Variants in ANKDD1A observed in about 807,000 individuals in gnomAD.
ANKDD1A encodes ankyrin repeat and death domain-containing protein 1A.
A neutral mutation model predicts 63.5 loss-of-function variants in ANKDD1A; 59 were observed. The observed-to-expected ratio is 0.93, with a 90% CI of 0.75 to 1.15. ANKDD1A has a LOEUF of 1.15. Among genes scored for constraint, ANKDD1A ranks in the 50% most tolerant of loss-of-function variants. The pLI is 0.00. For synonymous variants in ANKDD1A, 266 were observed against 263.9 expected, an observed-to-expected ratio of 1.01 and a Z score of -0.08; for missense variants, 632 against 656.4, an observed-to-expected ratio of 0.96 and a Z score of 0.41.
rs375456155 is a variant in ANKDD1A, at chr15:64,927,691, G to A, written c.570+692G>A. On this transcript the variant is annotated intron_variant, in intron 6 of 14. Coordinates refer to ENST00000319580, the MANE Select transcript of ANKDD1A (RefSeq NM_182703.6). ...GCTGTCTTGGCTCACTGCAAGCTCC[G>A]CCTCCCGGGTTCACACCATTCTCCT... 7.2e-4 allele frequency among the ~76,000 whole-genome samples: 103 copies of A among 143,826 alleles called. 1 individual carries two copies. The highest frequency in any genetic ancestry group is 2.5e-3 in the African/African-American group (96 of 38,400). The allele number at this position is 143,826 out of a possible 152,430, so 94.4% of individuals were successfully genotyped here.
At chr15:64,932,784 G>A (rs2085101336) in intron 8 of ANKDD1A, 1 of 152,044 alleles carries the variant, frequency 6.6e-6, no homozygotes, top group South Asian at 2.1e-4. Flanking sequence ...TAATTTGACT[G>A]GCTTTGAAAA....
chr15:64,927,924 T>A (rs956416354), intron 6 of ANKDD1A, among the ~76,000 whole-genome samples: 1 of 152,196 alleles, frequency 6.6e-6, no homozygotes, highest in African/African-American at 2.4e-5. Context: ...AAATTCTAAA[T>A]GATGCCTCCA....
chr15:64,915,915 T>G lies in ANKDD1A; in HGVS notation c.138+15T>G, dbSNP rs2084965215. ...CCAGAAACCACGTGCGTAATGAGCT[T>G]CTCTGAATCCAGGCACCTGGGATAG... On this transcript the variant is annotated intron_variant, in intron 2 of 14. Transcript: ENST00000319580. 1 of 1,610,700 alleles carries G rather than the reference T, an allele frequency of 6.2e-7. No individual in the cohort carries two copies. The highest frequency in any genetic ancestry group is 1.3e-5 in the African/African-American group (1 of 74,978).
At chr15:64,912,164 C>T (rs1437683860) in intron 1 of ANKDD1A, among the ~76,000 whole-genome samples, 200 bp downstream of exon 1, 1 of 152,094 alleles carries the variant, frequency 6.6e-6, no homozygotes. Flanking sequence ...GACTCGGGGA[C>T]CACACCCGCC....
rs28695630 is a variant in ANKDD1A at position 64,954,892 on chromosome 15, T to C, written c.1484-2211T>C. ...TTTTCTTCTTCCTTCTCCTCCTCCT[T>C]CTTCCTTCTTCTCTTGTCTCTTCTC... On this transcript the variant is annotated intron_variant, in intron 14 of 14. Coordinates refer to ENST00000319580, the MANE Select transcript of ANKDD1A (RefSeq NM_182703.6). Among the ~76,000 whole-genome samples, 1,122 of 126,430 alleles carry C rather than the reference T, an allele frequency of 8.9e-3. 21 individuals are homozygous for C. Among genetic ancestry groups the C allele is most frequent in the African/African-American group, 0.028 (985 of 35,610 alleles). The allele number at this position is 126,430 out of a possible 152,430, so 82.9% of individuals were successfully genotyped here. A position where few individuals can be genotyped will look rare whatever the true frequency, so the allele number is the denominator to read the frequency against.
At chr15:64,912,479 C>G (rs1595844270) in intron 1 of ANKDD1A, among the ~76,000 whole-genome samples, 2 of 152,220 alleles carry the variant, frequency 1.3e-5, no homozygotes, top group African/African-American at 2.4e-5. Flanking sequence ...TCAGATGGGG[C>G]ACGCACTCAG....
Position 64,953,728 on chromosome 15 carries a change from T to C in ANKDD1A, c.1484-3375T>C, listed in dbSNP as rs1233816117. Among the ~76,000 whole-genome samples the C allele has an allele frequency of 3.8e-4, 9 of 23,454 alleles. No homozygotes were observed. In the East Asian group the frequency reaches 0.029, roughly 75 times the overall value. The allele number at this position is 23,454 out of a possible 152,430, so 15.4% of individuals were successfully genotyped here. On this transcript the variant is annotated intron_variant, in intron 14 of 14. Transcript: ENST00000319580. ...TTCTTCTCCTTGTTCTTCTCCTTCT[T>C]CTCCTCCTTCTTCTTTCCTCTTTTC...
chr15:64,936,076 T>C (rs1243115885), intron 9 of ANKDD1A, among the ~76,000 whole-genome samples: 2 of 152,174 alleles, frequency 1.3e-5, no homozygotes, highest in Admixed American at 1.3e-4. Flanking sequence ...TCCCATTACA[T>C]AAACAGGGAA....
intron 9 of ANKDD1A, 28 bp from the exon 10 acceptor site, chr15:64,942,439 C>G: frequency 6.4e-7 from 1 of 1,565,318 alleles, no homozygotes; most frequent in South Asian, 1.1e-5. Flanking sequence ...AGGGACTGGT[C>G]GATTGATCCG....
At chr15:64,940,939 C>T (rs1483228088) in intron 9 of ANKDD1A, among the ~76,000 whole-genome samples, 2 of 152,108 alleles carry the variant, frequency 1.3e-5, no homozygotes, top group Non-Finnish European at 2.9e-5. Flanking sequence ...GACAGGGTCC[C>T]ACTATGTTGT....
At chr15:64,930,560 G>A (rs7168200) in intron 6 of ANKDD1A, among the ~76,000 whole-genome samples, 2 of 151,996 alleles carry the variant, frequency 1.3e-5, no homozygotes, top group South Asian at 4.2e-4. Context: ...GGATCTGGGG[G>A]ACATGAGGAG....
chr15:64,952,199 CTT>C (rs1449184301), intron 14 of ANKDD1A, among the ~76,000 whole-genome samples: 1 of 148,250 alleles, frequency 6.7e-6, no homozygotes, highest in African/African-American at 2.5e-5. Flanking sequence ...TTTTCTTCTT[CTT>C]CTTTCCTCTT....
intron 14 of ANKDD1A, among the ~76,000 whole-genome samples, chr15:64,954,744 CTTCTTCTTTCTTTTTG>C (rs1452498699): frequency 2.4e-5 from 3 of 127,596 alleles, no homozygotes; most frequent in Non-Finnish European, 3.6e-5. Context: ...CTTCCTTCTC[CTTCTTCTTTCTTTTTG>C]TTCTTCTTTC....
At chr15:64,916,103 G>C (rs2084966626) in intron 2 of ANKDD1A, among the ~76,000 whole-genome samples, 1 of 152,166 alleles carries the variant, frequency 6.6e-6, no homozygotes, top group African/African-American at 2.4e-5. Flanking sequence ...CCAAGGTCAG[G>C]ACCAGGATGT....
chr15:64,953,716 TCTTCTC>T (rs1381847867), intron 14 of ANKDD1A, among the ~76,000 whole-genome samples: 3,659 of 21,566 alleles, frequency 0.17, 104 homozygotes, highest in East Asian at 0.34. Flanking sequence ...TTCTCCTTGT[TCTTCTC>T]CTTCTTCTCC....
At position 64,957,182 on chromosome 15, in the gene ANKDD1A, C is replaced by T. The variant is rs144972980; in HGVS notation, c.1563C>T (p.Pro521=). 4.0e-5 allele frequency: 16 copies of T among 402,412 alleles called. No individual in the cohort carries two copies. Among genetic ancestry groups the T allele is most frequent in the East Asian group, 9.8e-5 (1 of 10,192 alleles). 24.9% of individuals were successfully genotyped at this position (402,412 alleles called of 1,614,324 possible). ...AAATGATTCTTGTGCCTCAGCCTCC[C>T]GAGTAGCTGGGATTACAGGTGCATG... ...RVQMILVPQP[P]E Residue 521 remains proline, a synonymous_variant, in exon 15 of 15, where the codon CCC becomes CCT. Transcript: ENST00000319580.
intron 14 of ANKDD1A, among the ~76,000 whole-genome samples, chr15:64,954,414 C>CT (rs2085384848): frequency 2.2e-5 from 3 of 138,230 alleles, no homozygotes. Context: ...CCTCTTCTTC[C>CT]TCCTCTCCTC....
At chr15:64,957,058 ATTGTT>A (rs541492787) in intron 14 of ANKDD1A, 40 bp from the exon 15 acceptor site, 3 of 448,632 alleles carry the variant, frequency 6.7e-6, no homozygotes. Flanking sequence ...AAGGGTGATA[ATTGTT>A]TTGTTTTGTT....
intron 14 of ANKDD1A, among the ~76,000 whole-genome samples, chr15:64,951,682 T>TCTTCC (rs1555397443): frequency 1.1e-3 from 36 of 33,818 alleles, no homozygotes; most frequent in East Asian, 0.012. Flanking sequence ...CTTTCCTTCT[T>TCTTCC]TCTTCTTCCT....
Sources: gnomAD v4.1 joint callset for allele counts (sites outside exome capture counted in the v4.1 genomes callset) on GRCh38, gnomAD v4.1.1 for gene constraint, MANE v1.5 for transcripts, NCBI Gene and HGNC (gene_info 2026-07-23, HGNC 2026-07-21) for gene names.